LRRC3C: variants seen among roughly 807,000 people sequenced by gnomAD.
LRRC3C encodes the protein leucine-rich repeat-containing protein 3C.
LRRC3C carries 11 observed loss-of-function variants against 14.8 expected under a neutral mutation model. The ratio of observed to expected loss-of-function variants is 0.74; its 90% CI spans 0.47 to 1.23. The LOEUF is 1.23. Ranked by LOEUF, LRRC3C falls within the 50% of genes most tolerant of loss-of-function variation. The pLI is 0.00. For synonymous variants in LRRC3C, 149 were observed against 161.5 expected (o/e 0.92, Z 0.59); for missense variants, 354 against 361.8 (o/e 0.98, Z 0.18).
chr17:39,936,955 C>T (rs1171932338), intron 2 of LRRC3C, among the ~76,000 whole-genome samples: 2 of 150,082 alleles, frequency 1.3e-5, no homozygotes, highest in Non-Finnish European at 3.0e-5. Context: ...AACCCCGTCT[C>T]TATTAAAAAA....
intron 2 of LRRC3C, among the ~76,000 whole-genome samples, chr17:39,936,951 G>A (rs1038478505): frequency 1.3e-5 from 2 of 150,814 alleles, no homozygotes; most frequent in African/African-American, 4.9e-5. Flanking sequence ...GTAAAACCCC[G>A]TCTCTATTAA....
At chr17:39,940,382 A>G (rs1429346453) in intron 2 of LRRC3C, among the ~76,000 whole-genome samples, 1 of 151,966 alleles carries the variant, frequency 6.6e-6, no homozygotes, top group Non-Finnish European at 1.5e-5. Context: ...TTGGTTTTAC[A>G]CTCTGCTGCT....
rs1978519426 is a variant in LRRC3C at position 39,927,740 on chromosome 17, TTC to T, written c.-248_-247del. On this transcript the variant is annotated 5_prime_UTR_variant, in exon 1 of 4. Transcript: ENST00000377924. ...GAGTTGTAGTTTTTCCTGGGCTCCG[TTC>T]CCGGCCTCTTCGGGGACGCACGGTT... 1.4e-5 allele frequency: 14 copies of T among 985,342 alleles called. No individual in the cohort carries two copies. The highest frequency in any genetic ancestry group is 1.7e-5 in the Non-Finnish European group (14 of 829,976). The allele number at this position is 985,342 out of a possible 1,614,324, so 61.0% of individuals were successfully genotyped here.
At position 39,944,597 on chromosome 17, in the gene LRRC3C, G is replaced by T; in HGVS notation, c.691G>T (p.Gly231Cys). 2 of 1,535,634 alleles carry T rather than the reference G, an allele frequency of 1.3e-6. No homozygotes were observed. Among genetic ancestry groups the T allele is most frequent in the African/African-American group, 2.7e-5 (2 of 73,154 alleles). Residue 231 changes from glycine to cysteine, a missense_variant, in exon 4 of 4, where the codon GGC becomes TGC. Physicochemically the swap from Gly to Cys is radical, Grantham distance 159. Coordinates refer to ENST00000377924, the MANE Select transcript of LRRC3C (RefSeq NM_001195545.2). ...TGTGGCCCTGCTGGTCACCATGGGG[G>T]GCTGGCTGACACTCATGGTGGCTTA... ...TDVALLVTMG[G>C]WLTLMVAYLV...
intron 3 of LRRC3C, among the ~76,000 whole-genome samples, chr17:39,942,231 G>A (rs902819026): frequency 1.4e-4 from 21 of 152,178 alleles, no homozygotes; most frequent in African/African-American, 4.6e-4. Flanking sequence ...CAACCCTGGC[G>A]GGTCCTCCCA....
At chr17:39,936,520 C>T (rs918421454) in intron 2 of LRRC3C, among the ~76,000 whole-genome samples, 6 of 151,974 alleles carry the variant, frequency 3.9e-5, no homozygotes, top group East Asian at 1.9e-4. Context: ...CCTTTCAATC[C>T]GACCAGATGC....
chr17:39,935,122 C>T (rs1198275077), intron 1 of LRRC3C, among the ~76,000 whole-genome samples: 1 of 152,152 alleles, frequency 6.6e-6, no homozygotes, highest in Non-Finnish European at 1.5e-5. Flanking sequence ...CTGTAGGGTT[C>T]AGCCTCATTT....
chr17:39,936,467 C>T (rs1369460422), intron 2 of LRRC3C, among the ~76,000 whole-genome samples: 1 of 152,090 alleles, frequency 6.6e-6, no homozygotes, highest in Non-Finnish European at 1.5e-5. Flanking sequence ...ACATCCCCGA[C>T]ACAACCAACA....
chr17:39,944,700 C>T lies in LRRC3C; in HGVS notation c.794C>T (p.Ser265Phe). The change falls in exon 4 of 4, where the codon TCC becomes TTC. Residue 265 changes from serine to phenylalanine, a missense_variant. Transcript: ENST00000377924. The stretch of plus-strand genomic sequence containing the variant: ...CGGGCCCCAGTGCTGCCCGTGCGTT[C>T]CGAGGACTCCTCCATCCTCAGCACA... ...LKRAPVLPVR[S>F]EDSSILSTVV 1 of 1,535,984 alleles carries T rather than the reference C, an allele frequency of 6.5e-7. No homozygotes were observed. The highest frequency in any genetic ancestry group is 8.7e-7 in the Non-Finnish European group (1 of 1,146,884).
rs542148112 is a variant in LRRC3C, at chr17:39,930,501, A to G, written c.-175+2687A>G. On this transcript the variant is annotated intron_variant, in intron 1 of 3. Transcript: ENST00000377924. Reference sequence around the variant, plus strand: ...GGTAGGCGGATCACCTGAGGTCAGGAGTTTGACACCAGCCTGGCCAACGTG... The same window carrying G: ...GGTAGGCGGATCACCTGAGGTCAGGGGTTTGACACCAGCCTGGCCAACGTG... Among the ~76,000 whole-genome samples, 237 of 147,618 alleles carry G rather than the reference A, an allele frequency of 1.6e-3. 1 individual carries two copies. Among genetic ancestry groups the G allele is most frequent in the African/African-American group, 5.6e-3 (226 of 40,156 alleles).
chr17:39,944,460 T>A lies in LRRC3C; in HGVS notation c.554T>A (p.Ile185Asn). ...VRLVPGTGTGIVCGSGARPDL... is the reference protein window; with the variant it reads ...VRLVPGTGTGNVCGSGARPDL... Reference sequence around the variant, plus strand: ...CTGGTGCCGGGCACTGGGACAGGCATCGTGTGTGGCTCAGGAGCCCGACCG... The same window carrying A: ...CTGGTGCCGGGCACTGGGACAGGCAACGTGTGTGGCTCAGGAGCCCGACCG... Residue 185 changes from isoleucine (I) to asparagine (N), a missense_variant, in exon 4 of 4, where the codon ATC becomes AAC. Transcript: ENST00000377924. The A allele has an allele frequency of 1.3e-6, 2 of 1,487,296 alleles. No homozygotes were observed. Among genetic ancestry groups the A allele is most frequent in the Non-Finnish European group, 1.8e-6 (2 of 1,120,820 alleles). The allele number at this position is 1,487,296 out of a possible 1,614,324, so 92.1% of individuals were successfully genotyped here.
chr17:39,938,179 AC>A (rs1039743128), intron 2 of LRRC3C, among the ~76,000 whole-genome samples: 16 of 152,166 alleles, frequency 1.1e-4, no homozygotes, highest in Non-Finnish European at 2.2e-4. Flanking sequence ...ACATGGGTGT[AC>A]CCAGGCATCA....
Position 39,944,062 on chromosome 17 carries a change from T to C in LRRC3C, c.156T>C (p.Cys52=). The C allele has an allele frequency of 6.5e-7, 1 of 1,535,978 alleles. No homozygotes were observed. ...GCCCCCAGGTGCCTCCCCGGGGCTGTTATGTGGCAAAGGAAGCAGGTGAAC... is the reference window on the plus strand; with the variant it reads ...GCCCCCAGGTGCCTCCCCGGGGCTGCTATGTGGCAAAGGAAGCAGGTGAAC... ...VPSPQVPPRG[C]YVAKEAGERT... The change falls in exon 4 of 4, where the codon TGT becomes TGC. Residue 52 remains cysteine (C), a synonymous_variant. Transcript: ENST00000377924.
rs138295852 is a variant in LRRC3C, at chr17:39,937,195, G to A, written c.-82+1301G>A. ...TCACGCCTGTAATCCCAGCACCTTG[G>A]GAGGCCAAGGCAGGCAGATAACCTG... On this transcript the variant is annotated intron_variant, in intron 2 of 3. Coordinates refer to ENST00000377924, the MANE Select transcript of LRRC3C (RefSeq NM_001195545.2). Among the ~76,000 whole-genome samples the A allele has an allele frequency of 8.2e-3, 1,244 of 152,074 alleles. 22 individuals are homozygous for A. Among genetic ancestry groups the A allele is most frequent in the African/African-American group, 0.029 (1,189 of 41,492 alleles).
At chr17:39,934,337 T>A (rs1219442446) in intron 1 of LRRC3C, among the ~76,000 whole-genome samples, 1 of 152,094 alleles carries the variant, frequency 6.6e-6, no homozygotes, top group Non-Finnish European at 1.5e-5. Context: ...GGGCAATGGA[T>A]ATAAAAACAG....
chr17:39,943,670 A>G (rs1978995390), intron 3 of LRRC3C, among the ~76,000 whole-genome samples: 1 of 152,210 alleles, frequency 6.6e-6, no homozygotes, highest in Non-Finnish European at 1.5e-5. Context: ...AAGGCCTCAC[A>G]GATTAACCTT....
At chr17:39,936,948 C>T (rs1326226979) in intron 2 of LRRC3C, among the ~76,000 whole-genome samples, 1 of 151,410 alleles carries the variant, frequency 6.6e-6, no homozygotes, top group Non-Finnish European at 1.5e-5. Context: ...ATGGTAAAAC[C>T]CCGTCTCTAT....
rs1376239139 is a variant in LRRC3C at position 39,944,061 on chromosome 17, G to C, written c.155G>C (p.Cys52Ser). Reference sequence around the variant, plus strand: ...AGCCCCCAGGTGCCTCCCCGGGGCTGTTATGTGGCAAAGGAAGCAGGTGAA... The same window carrying C: ...AGCCCCCAGGTGCCTCCCCGGGGCTCTTATGTGGCAAAGGAAGCAGGTGAA... ...VPSPQVPPRG[C>S]YVAKEAGERT... The change falls in exon 4 of 4, where the codon TGT becomes TCT. Residue 52 changes from cysteine (C) to serine (S), a missense_variant. Physicochemically the swap from Cys to Ser is moderately radical, Grantham distance 112. Coordinates refer to ENST00000377924, the MANE Select transcript of LRRC3C (RefSeq NM_001195545.2). 1 of 1,536,110 alleles carries C rather than the reference G, an allele frequency of 6.5e-7. No individual in the cohort carries two copies.
intron 2 of LRRC3C, among the ~76,000 whole-genome samples, chr17:39,940,950 G>A (rs1978921244): frequency 6.6e-6 from 1 of 151,944 alleles, no homozygotes; most frequent in Non-Finnish European, 1.5e-5. Context: ...CGCCACATTG[G>A]CCAGGCTGGT....
Sources: allele counts gnomAD v4.1 joint callset (sites outside exome capture counted in the v4.1 genomes callset), GRCh38; gene constraint gnomAD v4.1.1; transcripts MANE v1.5; gene names NCBI Gene and HGNC (gene_info 2026-07-23, HGNC 2026-07-21).